HSBP1L1: variants seen among roughly 807,000 people sequenced by gnomAD.
HSBP1L1 encodes the protein heat shock factor binding protein 1 like 1, also known as heat shock factor-binding protein 1-like protein 1.
HSBP1L1 carries 8 observed loss-of-function variants against 9.7 expected under a neutral mutation model. The ratio of observed to expected loss-of-function variants is 0.82; its 90% CI spans 0.48 to 1.48. The LOEUF (loss-of-function observed/expected upper bound fraction) is 1.48, where lower values mean the gene tolerates loss of function less well. Among genes scored for constraint, HSBP1L1 ranks in the 40% most tolerant of loss-of-function variants. HSBP1L1 has a pLI of 0.00. For missense variants in HSBP1L1, 106 were observed against 95.8 expected (o/e 1.11, Z -0.44); for synonymous variants, 39 against 34.4 (o/e 1.13, Z -0.46).
chr18:79,967,517 T>A (rs1330163270), intron 2 of HSBP1L1: 1 of 152,270 alleles, frequency 6.6e-6, no homozygotes, highest in Non-Finnish European at 1.5e-5. Flanking sequence ...CAATTAAATA[T>A]ATTCCTTAAA....
intron 2 of HSBP1L1, among the ~76,000 whole-genome samples, chr18:79,967,205 T>C (rs1014791700): frequency 4.0e-5 from 6 of 150,442 alleles, no homozygotes; most frequent in Admixed American, 2.6e-4. Flanking sequence ...GGATGTCTTG[T>C]GCAGCAAGTA....
intron 3 of HSBP1L1, chr18:79,969,898 C>T (rs900209785): frequency 6.4e-6 from 1 of 155,370 alleles, no homozygotes; most frequent in African/African-American, 2.4e-5. Flanking sequence ...TTGTCTACTT[C>T]TTTGTGTACA....
intron 2 of HSBP1L1, 171 bp from the exon 3 acceptor site, chr18:79,967,918 A>G (rs1021739053): frequency 3.0e-5 from 16 of 526,838 alleles, no homozygotes; most frequent in East Asian, 1.9e-4. Context: ...AAAGAGACAC[A>G]CTGAGGAAAA....
intron 3 of HSBP1L1, among the ~76,000 whole-genome samples, chr18:79,969,099 G>A (rs1390399551): frequency 2.7e-5 from 4 of 150,460 alleles, no homozygotes; most frequent in Non-Finnish European, 5.9e-5. Context: ...TGAGGCGGGA[G>A]AATGCCGTGA....
intron 3 of HSBP1L1, among the ~76,000 whole-genome samples, chr18:79,969,024 CAAAAA>C: frequency 1.1e-5 from 1 of 91,286 alleles, no homozygotes; most frequent in East Asian, 3.0e-4. Flanking sequence ...ACTAAAAATA[CAAAAA>C]AAAAAAAAAA....
At position 79,965,329 on chromosome 18, in the gene HSBP1L1, G is replaced by A. The variant is rs1285061764; in HGVS notation, c.51+543G>A. ...TGGAATCTGAAGGAATGTGTTGGGC[G>A]TTGTGCAAACCCTAACGTAAATTTC... On this transcript the variant is annotated intron_variant, in intron 1 of 3. Transcript: ENST00000451882. Among the ~76,000 whole-genome samples the A allele has an allele frequency of 6.6e-5, 10 of 152,332 alleles. No homozygotes were observed. The East Asian group carries it at 1.7e-3, about 26-fold the overall frequency.
At chr18:79,969,808 C>T (rs1198096168) in intron 3 of HSBP1L1, among the ~76,000 whole-genome samples, 4 of 152,186 alleles carry the variant, frequency 2.6e-5, no homozygotes, top group African/African-American at 9.7e-5. Context: ...CTAGGTCAGT[C>T]GCCAACTGCT....
At chr18:79,967,191 C>T (rs1289079492) in intron 2 of HSBP1L1, among the ~76,000 whole-genome samples, 2 of 149,158 alleles carry the variant, frequency 1.3e-5, no homozygotes, top group Non-Finnish European at 3.0e-5. Flanking sequence ...TGACTGGCAA[C>T]ACAGGATGTC....
rs115637377 is a variant in HSBP1L1 at position 79,968,808 on chromosome 18, C to T, written c.213+625C>T. Among the ~76,000 whole-genome samples the T allele has an allele frequency of 3.3e-3, 504 of 152,232 alleles. 3 individuals are homozygous for T. Among genetic ancestry groups the T allele is most frequent in the African/African-American group, 0.012 (485 of 41,550 alleles). On this transcript the variant is annotated intron_variant, in intron 3 of 3. Transcript: ENST00000451882. The stretch of plus-strand genomic sequence containing the variant: ...CAGGGCACTGTAGGCATTCTCACAG[C>T]TTCTGATGCTGAATGTAAACATGCC...
intron 3 of HSBP1L1, among the ~76,000 whole-genome samples, chr18:79,969,113 C>G (rs538099226): frequency 6.7e-6 from 1 of 149,832 alleles, no homozygotes; most frequent in African/African-American, 2.5e-5. Context: ...GCCGTGAACC[C>G]GGGAGGCAGA....
At chr18:79,970,353 A>G (rs367795289) in intron 3 of HSBP1L1, 87 bp from the exon 4 acceptor site, 11 of 716,310 alleles carry the variant, frequency 1.5e-5, no homozygotes, top group Non-Finnish European at 2.3e-5. Context: ...ACAAAGCACC[A>G]GTGAGAACGT....
chr18:79,967,147 C>CAAA (rs5826682), intron 2 of HSBP1L1, among the ~76,000 whole-genome samples: 1 of 105,188 alleles, frequency 9.5e-6, no homozygotes, highest in African/African-American at 3.7e-5. Flanking sequence ...GACTCCGTCT[C>CAAA]AAAAAAAAAA....
intron 3 of HSBP1L1, among the ~76,000 whole-genome samples, chr18:79,969,823 G>C (rs2051285732): frequency 6.6e-6 from 1 of 152,226 alleles, no homozygotes. Flanking sequence ...ACTGCTGCCT[G>C]ATAGTCCTCT....
chr18:79,970,126 G>A (rs1294983626), intron 3 of HSBP1L1: 2 of 305,026 alleles, frequency 6.6e-6, no homozygotes, highest in South Asian at 4.4e-5. Context: ...TGCAGGCCTA[G>A]GTTTCAAATT....
chr18:79,968,142 A>G lies in HSBP1L1; in HGVS notation c.172A>G (p.Met58Val), dbSNP rs1296613892. Residue 58 changes from methionine to valine, a missense_variant, in exon 3 of 4, where the codon ATG becomes GTG. Met to Val is a conservative substitution (Grantham distance 21). Transcript: ENST00000451882. The part of the protein sequence containing the change: ...EDLQKNVKDL[M>V]VQAGIENSIK... ...CTTACAGAAGAATGTCAAGGACTTA[A>G]TGGTGCAAGCTGGCATTGAAAATTC... 2 of 1,549,402 alleles carry G rather than the reference A, an allele frequency of 1.3e-6. No individual in the cohort carries two copies. The highest frequency in any genetic ancestry group is 2.7e-5 in the African/African-American group (2 of 73,030).
In HSBP1L1 at chr18:79,970,583, C is replaced by G; in HGVS notation, c.*132C>G. On this transcript the variant is annotated 3_prime_UTR_variant, in exon 4 of 4. Transcript: ENST00000451882. ...AGACGCAAGGGGCTCGCCTGCTCTC[C>G]CCTCCGTGCCTGCACCAGAGAAGGA... 1.7e-6 allele frequency: 1 copy of G among 578,920 alleles called. No individual in the cohort carries two copies. The highest frequency in any genetic ancestry group is 3.2e-6 in the Non-Finnish European group (1 of 312,294). The allele number at this position is 578,920 out of a possible 1,614,324, so 35.9% of individuals were successfully genotyped here. A position where few individuals can be genotyped will look rare whatever the true frequency, so the allele number is the denominator to read the frequency against.
At chr18:79,966,025 G>T (rs1042388933) in intron 1 of HSBP1L1, among the ~76,000 whole-genome samples, 1 of 151,896 alleles carries the variant, frequency 6.6e-6, no homozygotes, top group Non-Finnish European at 1.5e-5. Flanking sequence ...TCCGCCTCCC[G>T]GGTTCACGCC....
chr18:79,970,515 G>C lies in HSBP1L1; in HGVS notation c.*64G>C. The C allele has an allele frequency of 1.4e-6, 1 of 717,954 alleles. No individual in the cohort carries two copies. Among genetic ancestry groups the C allele is most frequent in the South Asian group, 1.5e-5 (1 of 67,588 alleles). The allele number at this position is 717,954 out of a possible 1,614,324, so 44.5% of individuals were successfully genotyped here. On this transcript the variant is annotated 3_prime_UTR_variant, in exon 4 of 4. Coordinates refer to ENST00000451882, the MANE Select transcript of HSBP1L1 (RefSeq NM_001136180.2). ...AAGTCATTAAGGTTACATCGGTCCT[G>C]AGGGTGGGGCCCTCATCCAACAGGA...
chr18:79,969,415 G>A (rs112992710), intron 3 of HSBP1L1, among the ~76,000 whole-genome samples: 2,596 of 149,956 alleles, frequency 0.017, 134 homozygotes, highest in African/African-American at 0.06. Flanking sequence ...GCAGAATAGC[G>A]CCCACGTTGA....
Sources: gnomAD v4.1 joint callset for allele counts (sites outside exome capture counted in the v4.1 genomes callset) on GRCh38, gnomAD v4.1.1 for gene constraint, MANE v1.5 for transcripts, NCBI Gene and HGNC (gene_info 2026-07-23, HGNC 2026-07-21) for gene names.